SLC12A4: variants seen among roughly 807,000 people sequenced by gnomAD.
The protein encoded by SLC12A4 is solute carrier family 12 member 4, also known as electroneutral potassium-chloride cotransporter 1.
A neutral mutation model predicts 119.2 loss-of-function variants in SLC12A4; 84 were observed. That is an observed-to-expected ratio of 0.70 (90% CI 0.59 to 0.85). The LOEUF (loss-of-function observed/expected upper bound fraction) is 0.85. SLC12A4 is among the 40% of genes least tolerant of loss of function. The pLI is 0.00. For synonymous variants in SLC12A4, 599 were observed against 604.6 expected (o/e 0.99, Z 0.14); for missense variants, 1,298 against 1,476.3 (o/e 0.88, Z 1.98).
chr16:67,944,685 C>T lies in SLC12A4; in HGVS notation c.*155G>A. 1 of 1,433,156 alleles carries T rather than the reference C, an allele frequency of 7.0e-7. No individual in the cohort carries two copies. The highest frequency in any genetic ancestry group is 2.5e-5 in the East Asian group (1 of 39,752). The allele number at this position is 1,433,156 out of a possible 1,614,324, so 88.8% of individuals were successfully genotyped here. ...ATCCATCTCCATTTTGAGGCCCAGG[C>T]CTGGTTTCCAAGGAGACCTAGCAAA... On this transcript the variant is annotated 3_prime_UTR_variant, in exon 24 of 24. Coordinates refer to ENST00000316341, the MANE Select transcript of SLC12A4 (RefSeq NM_005072.5). This position sits in a 1 kb window ranked among gnomAD's most constrained non-coding sequence, Gnocchi z 6.6.
Position 67,952,008 on chromosome 16 carries a change from G to C in SLC12A4, c.947C>G (p.Ser316Cys), listed in dbSNP as rs1274415271. Residue 316 changes from serine (S) to cysteine (C), a missense_variant, in exon 8 of 24, where the codon TCC (serine) becomes TGC (cysteine). By Grantham distance (112) the Ser-to-Cys change is moderately radical. Coordinates refer to ENST00000316341, the MANE Select transcript of SLC12A4 (RefSeq NM_005072.5). ...PVCMLGNRTL[S>C]RDQFDICAKT... ...GGCACAGATGTCAAACTGGTCCCGG[G>C]ACAGGGTCCTGTTGCCCAGCATGCA... The C allele has an allele frequency of 6.2e-7, 1 of 1,614,048 alleles. No homozygotes were observed. The highest frequency in any genetic ancestry group is 8.5e-7 in the Non-Finnish European group (1 of 1,180,008).
intron 1 of SLC12A4, chr16:67,966,852 C>T (rs377005066): frequency 5.5e-5 from 85 of 1,542,462 alleles, no homozygotes; most frequent in Non-Finnish European, 7.3e-5. Context: ...AGGAGCTGGC[C>T]TAGCTTGCGG....
chr16:67,961,753 C>A (rs1165799351), intron 2 of SLC12A4, 47 bp from the exon 3 acceptor site: 1 of 1,608,906 alleles, frequency 6.2e-7, no homozygotes, highest in Admixed American at 1.7e-5. Flanking sequence ...CAGGTGGGTG[C>A]CAGCTGTGTG....
At chr16:67,945,269 G>A in intron 22 of SLC12A4, 49 bp from the exon 23 acceptor site, 1 of 1,555,844 alleles carries the variant, frequency 6.4e-7, no homozygotes, top group Non-Finnish European at 8.7e-7. Flanking sequence ...ATCCTGCAAG[G>A]AGGGTCCCCA....
In SLC12A4 at chr16:67,945,167, A is replaced by G. The variant is rs377335865; in HGVS notation, c.3086T>C (p.Ile1029Thr). ...GCGGGCGTCGTGGGAGCGCGTGACA[A>G]TGACTTCATTGAGCTTCACAGCAGT... ...MHTAVKLNEV[I>T]VTRSHDARLV... The change falls in exon 23 of 24, where the codon ATT becomes ACT. Residue 1029 changes from isoleucine to threonine, a missense_variant. Coordinates refer to ENST00000316341, the MANE Select transcript of SLC12A4 (RefSeq NM_005072.5). 3.2e-5 allele frequency: 51 copies of G among 1,594,792 alleles called. No homozygotes were observed. The highest frequency in any genetic ancestry group is 3.9e-5 in the Non-Finnish European group (46 of 1,169,566).
In SLC12A4 at chr16:67,943,902, TC is replaced by T. The variant is rs2058311124; in HGVS notation, c.*937del. 4 of 1,485,746 alleles carry T rather than the reference TC, an allele frequency of 2.7e-6. No homozygotes were observed. The highest frequency in any genetic ancestry group is 2.8e-5 in the African/African-American group (2 of 71,550). The allele number at this position is 1,485,746 out of a possible 1,614,324, so 92.0% of individuals were successfully genotyped here. A position where few individuals can be genotyped will look rare whatever the true frequency, so the allele number is the denominator to read the frequency against. ...AGCTGCCAGGGGCTGGGGCCCAGGC[TC>T]CCCAGGGTCTGGCGTGGTGCATCAG... On this transcript the variant is annotated 3_prime_UTR_variant, in exon 24 of 24. Transcript: ENST00000316341. The surrounding 1 kb of genome is among the most constrained non-coding windows in gnomAD (Gnocchi z 4.6).
At chr16:67,966,546 C>T (rs574401932) in intron 1 of SLC12A4, among the ~76,000 whole-genome samples, 8 of 152,344 alleles carry the variant, frequency 5.3e-5, no homozygotes, top group Admixed American at 2.6e-4. Context: ...CCTGTGTACA[C>T]GGACATCTGC....
chr16:67,952,417 A>G lies in SLC12A4; in HGVS notation c.684T>C (p.Ile228=). The change falls in exon 7 of 24, where the codon ATT becomes ATC. Residue 228 remains isoleucine (I), a synonymous_variant. Coordinates refer to ENST00000316341, the MANE Select transcript of SLC12A4 (RefSeq NM_005072.5). ...LGAIEILLTY[I]APPAAIFYPS... is the part of the protein sequence containing the mutation. ...GGTAAAAAATGGCAGCTGGTGGGGC[A>G]ATGTAGGTCTGAAACAAGAAGATGG... 1 of 1,614,070 alleles carries G rather than the reference A, an allele frequency of 6.2e-7. No individual in the cohort carries two copies.
chr16:67,960,269 T>C (rs763601596), intron 3 of SLC12A4, among the ~76,000 whole-genome samples: 1 of 152,202 alleles, frequency 6.6e-6, no homozygotes, highest in Non-Finnish European at 1.5e-5. Context: ...CTAAGGATCC[T>C]GTCACCCACT....
intron 1 of SLC12A4, chr16:67,966,705 G>T: frequency 6.5e-7 from 1 of 1,549,794 alleles, no homozygotes; most frequent in Non-Finnish European, 8.7e-7. Context: ...ACTGTGCTTT[G>T]TGCCCTCTGA....
Position 67,968,507 on chromosome 16 carries a change from T to C in SLC12A4, c.47A>G (p.Asp16Gly). 6.3e-7 allele frequency: 1 copy of C among 1,584,280 alleles called. No homozygotes were observed. The highest frequency in any genetic ancestry group is 8.5e-7 in the Non-Finnish European group (1 of 1,169,890). The stretch of plus-strand genomic sequence containing the variant: ...ACTGAGCCCCTCGAGGTTGTCATAG[T>C]CGCCGCGCCTCGGCCCGTCCACTGG... The part of the protein sequence containing the change: ...VVPVDGPRRG[D>G]YDNLEGLSWV... Residue 16 changes from aspartate (D) to glycine (G), a missense_variant, in exon 1 of 24, where the codon GAC becomes GGC. Physicochemically the swap from Asp to Gly is moderately conservative, Grantham distance 94. Coordinates refer to ENST00000316341, the MANE Select transcript of SLC12A4 (RefSeq NM_005072.5).
rs954654622 is a variant in SLC12A4, at chr16:67,950,087, C to T, written c.1630-169G>A. ...TCTCCCTGATTCCACCTCACCAGGC[C>T]TCTCTCCTTTGGATGAGCCCTAAAC... On this transcript the variant is annotated intron_variant, in intron 12 of 23. Transcript: ENST00000316341. This position sits in a 1 kb window ranked among gnomAD's most constrained non-coding sequence, Gnocchi z 4.3. 4 of 692,708 alleles carry T rather than the reference C, an allele frequency of 5.8e-6. No individual in the cohort carries two copies. The East Asian group carries it at 8.1e-5, about 14-fold the overall frequency. The allele number at this position is 692,708 out of a possible 1,614,324, so 42.9% of individuals were successfully genotyped here. A position where few individuals can be genotyped will look rare whatever the true frequency, so the allele number is the denominator to read the frequency against.
In SLC12A4 at chr16:67,950,907, A is replaced by T; in HGVS notation, c.1396+55T>A. 1 of 1,578,720 alleles carries T rather than the reference A, an allele frequency of 6.3e-7. No individual in the cohort carries two copies. The highest frequency in any genetic ancestry group is 8.7e-7 in the Non-Finnish European group (1 of 1,150,568). ...GTGCATGTGACCTGGCAACGTACAC[A>T]GGCCAAGCGCTTCCCGTCCTCTGCC... On this transcript the variant is annotated intron_variant, in intron 10 of 23. Coordinates refer to ENST00000316341, the MANE Select transcript of SLC12A4 (RefSeq NM_005072.5). The surrounding 1 kb of genome is among the most constrained non-coding windows in gnomAD (Gnocchi z 4.3).
At chr16:67,952,131 C>T (rs2029947597) in intron 7 of SLC12A4, 53 bp downstream of exon 7, 9 of 1,611,046 alleles carry the variant, frequency 5.6e-6, no homozygotes, top group Non-Finnish European at 7.6e-6. Flanking sequence ...CAAAGGCTGG[C>T]TACATGGGAG....
chr16:67,964,093 CG>C, intron 1 of SLC12A4: 2 of 1,521,988 alleles, frequency 1.3e-6, no homozygotes, highest in Non-Finnish European at 1.8e-6. Context: ...CAGGGCAGCC[CG>C]GGGCATGCCG....
At chr16:67,960,209 C>T (rs775963565) in intron 3 of SLC12A4, among the ~76,000 whole-genome samples, 5 of 152,240 alleles carry the variant, frequency 3.3e-5, no homozygotes, top group African/African-American at 1.2e-4. Flanking sequence ...CTTCACTCCC[C>T]GCCACCAGCT....
chr16:67,964,513 C>A (rs781274992), intron 1 of SLC12A4, among the ~76,000 whole-genome samples: 1 of 152,032 alleles, frequency 6.6e-6, no homozygotes, highest in Non-Finnish European at 1.5e-5. Context: ...GCCAAGCACT[C>A]GTTTTCTAGG....
Position 67,950,776 on chromosome 16 carries a change from C to T in SLC12A4, c.1397-65G>A, listed in dbSNP as rs1176510587. On this transcript the variant is annotated intron_variant, in intron 10 of 23. Coordinates refer to ENST00000316341, the MANE Select transcript of SLC12A4 (RefSeq NM_005072.5). The surrounding 1 kb of genome is among the most constrained non-coding windows in gnomAD (Gnocchi z 4.3). ...ACTGTCCCTGAATAGTACCACGTGC[C>T]CCCACCCCAGCCAGACTACCAGGAC... 2.6e-6 allele frequency: 4 copies of T among 1,558,982 alleles called. No homozygotes were observed. Among genetic ancestry groups the T allele is most frequent in the Non-Finnish European group, 3.5e-6 (4 of 1,148,682 alleles).
intron 3 of SLC12A4, among the ~76,000 whole-genome samples, chr16:67,961,368 C>T (rs921237301): frequency 2.0e-5 from 3 of 152,176 alleles, no homozygotes; most frequent in African/African-American, 7.2e-5. Flanking sequence ...TGAGGGGCTC[C>T]CTGGCCCTCT....
Sources: gnomAD v4.1 joint callset for allele counts (sites outside exome capture counted in the v4.1 genomes callset) on GRCh38, gnomAD v4.1.1 for gene constraint, Gnocchi (gnomAD v3.1) non-coding constraint, MANE v1.5 for transcripts, NCBI Gene and HGNC (gene_info 2026-07-23, HGNC 2026-07-21) for gene names.